The following ROBO2 variants were observed in gnomAD, a reference collection of about 807,000 sequenced individuals.
The protein encoded by ROBO2 is roundabout guidance receptor 2.
A neutral mutation model predicts 160.8 loss-of-function variants in ROBO2; 53 were observed. The ratio of observed to expected loss-of-function variants is 0.33; its 90% CI spans 0.26 to 0.41. The LOEUF (loss-of-function observed/expected upper bound fraction) is 0.41. ROBO2 is among the 10% of genes least tolerant of loss of function. The probability of loss-of-function intolerance (pLI) is 1.00; values close to 1 mark genes in which losing one functional copy is unlikely to be tolerated. For synonymous variants in ROBO2, 664 were observed against 611.7 expected (o/e 1.09, Z -1.26); for missense variants, 1,577 against 1,722.4 (o/e 0.92, Z 1.49).
intron 2 of ROBO2, among the ~76,000 whole-genome samples, chr3:76,743,269 C>A (rs1327892645): frequency 6.6e-6 from 1 of 151,978 alleles, no homozygotes; most frequent in Non-Finnish European, 1.5e-5. Flanking sequence ...CTAAGCCCAA[C>A]CCTGGAACAT....
At chr3:76,507,792 A>C (rs1289155368) in intron 2 of ROBO2, among the ~76,000 whole-genome samples, 1 of 152,084 alleles carries the variant, frequency 6.6e-6, no homozygotes, top group Admixed American at 6.6e-5. Context: ...ACACGATCCT[A>C]GTCTGGTTCT....
At chr3:77,346,499 C>T (rs539033023) in intron 2 of ROBO2, among the ~76,000 whole-genome samples, 2 of 152,144 alleles carry the variant, frequency 1.3e-5, no homozygotes, top group African/African-American at 2.4e-5. Flanking sequence ...CTTGCTGTCA[C>T]AAACTTAGTG....
intron 2 of ROBO2, among the ~76,000 whole-genome samples, chr3:77,447,927 T>TATA (rs2153559662): frequency 6.6e-6 from 1 of 152,264 alleles, no homozygotes; most frequent in Non-Finnish European, 1.5e-5. Flanking sequence ...AACTGTTGAA[T>TATA]ATAAACTCTT....
At chr3:76,608,825 A>T (rs1394005017) in intron 2 of ROBO2, among the ~76,000 whole-genome samples, 3 of 152,104 alleles carry the variant, frequency 2.0e-5, no homozygotes, top group Non-Finnish European at 2.9e-5. Context: ...TTAAATTTTC[A>T]TAGTATTTGG....
At chr3:76,295,594 T>A (rs1240142346) in intron 2 of ROBO2, among the ~76,000 whole-genome samples, 4 of 152,200 alleles carry the variant, frequency 2.6e-5, no homozygotes, top group African/African-American at 9.7e-5. Context: ...ATGAAGTTAC[T>A]GTACACACTA....
chr3:77,403,801 G>T lies in ROBO2; in HGVS notation c.389-73613G>T, dbSNP rs963740190. The stretch of plus-strand genomic sequence containing the variant: ...GTTGGATCATATGGAACATTTCTAT[G>T]TACCAAACATTTCAATGGAGTAATA... On this transcript the variant is annotated intron_variant, in intron 2 of 25. Transcript: ENST00000461745. Among the ~76,000 whole-genome samples the T allele has an allele frequency of 2.0e-5, 3 of 151,990 alleles. No individual in the cohort carries two copies. In the East Asian group the frequency reaches 5.8e-4, roughly 29 times the overall value.
rs574492593 is a variant in ROBO2, at chr3:76,981,814, C to T, written c.110-116200C>T. Among the ~76,000 whole-genome samples the T allele has an allele frequency of 3.9e-5, 6 of 152,164 alleles. No homozygotes were observed. In the East Asian group the frequency reaches 7.8e-4, roughly 20 times the overall value. ...CTGACAGGTGAACGGGGAACAGGGA[C>T]ATCACATGGCAAAAACAGGGGCAAG... On this transcript the variant is annotated intron_variant, in intron 2 of 26. Transcript: ENST00000487694.
intron 2 of ROBO2, among the ~76,000 whole-genome samples, chr3:76,772,812 A>G (rs2061996741): frequency 6.6e-6 from 1 of 151,110 alleles, no homozygotes; most frequent in South Asian, 2.1e-4. Context: ...GTGGGAATCT[A>G]TGTCCTTCAA....
At chr3:77,124,693 T>A (rs2075146982) in intron 2 of ROBO2, among the ~76,000 whole-genome samples, 1 of 152,134 alleles carries the variant, frequency 6.6e-6, no homozygotes, top group Admixed American at 6.6e-5. Context: ...TCAGAAATAG[T>A]AGTGCAGTTA....
intron 2 of ROBO2, among the ~76,000 whole-genome samples, chr3:76,014,773 T>C (rs140447093): frequency 5.7e-4 from 87 of 152,180 alleles, no homozygotes; most frequent in African/African-American, 2.0e-3. Flanking sequence ...CAAAATATTT[T>C]AAAAGTTGGC....
At chr3:77,546,606 G>C in intron 7 of ROBO2, 144 bp downstream of exon 8, 1 of 1,058,636 alleles carries the variant, frequency 9.4e-7, no homozygotes, top group Non-Finnish European at 1.4e-6. Context: ...GTAAAAATAA[G>C]TAGGAGTCAG....
At chr3:76,044,372 A>G (rs2067379090) in intron 2 of ROBO2, among the ~76,000 whole-genome samples, 1 of 152,046 alleles carries the variant, frequency 6.6e-6, no homozygotes, top group South Asian at 2.1e-4. Context: ...TAAAGAGTAT[A>G]TCAGAACTCT....
At chr3:76,897,660 G>T (rs1272081377) in intron 2 of ROBO2, among the ~76,000 whole-genome samples, 1 of 151,172 alleles carries the variant, frequency 6.6e-6, no homozygotes, top group African/African-American at 2.4e-5. Flanking sequence ...GTGAATGTAT[G>T]TTCTGTTTAC....
chr3:77,524,259 G>A (rs528260140), intron 6 of ROBO2, among the ~76,000 whole-genome samples: 3 of 145,840 alleles, frequency 2.1e-5, no homozygotes, highest in African/African-American at 7.6e-5. Context: ...AGGTCATAAA[G>A]GACTATGATC....
chr3:77,375,723 G>C (rs1560661504), intron 2 of ROBO2, among the ~76,000 whole-genome samples: 1 of 152,102 alleles, frequency 6.6e-6, no homozygotes, highest in Non-Finnish European at 1.5e-5. Context: ...TTCATTCTAG[G>C]ACAAACATTG....
At chr3:76,963,836 C>CAAAAAAAAAAAAAAAAAAA (rs11407644) in intron 2 of ROBO2, among the ~76,000 whole-genome samples, 1 of 106,230 alleles carries the variant, frequency 9.4e-6, no homozygotes, top group South Asian at 2.9e-4. Context: ...TGAGGAACTG[C>CAAAAAAAAAAAAAAAAAAA]AAAAAAAAAA....
intron 2 of ROBO2, among the ~76,000 whole-genome samples, chr3:77,135,567 A>ATT (rs561382499): frequency 1.4e-5 from 2 of 145,172 alleles, no homozygotes; most frequent in African/African-American, 5.0e-5. Flanking sequence ...TATCCGGCTA[A>ATT]TTTTTTTTTT....
intron 2 of ROBO2, among the ~76,000 whole-genome samples, chr3:77,224,542 C>T (rs145939275): frequency 5.9e-5 from 9 of 151,988 alleles, no homozygotes; most frequent in Non-Finnish European, 1.0e-4. Flanking sequence ...GCTATCACAA[C>T]GGGTATTAAT....
In ROBO2 at chr3:77,169,709, C is replaced by G. The variant is rs117964212; in HGVS notation, c.388+71369C>G. 7.0e-4 allele frequency among the ~76,000 whole-genome samples: 107 copies of G among 152,140 alleles called. 1 individual carries two copies. The East Asian group carries it at 0.018, about 26-fold the overall frequency. On this transcript the variant is annotated intron_variant, in intron 2 of 25. Transcript: ENST00000461745. ...TAGGTAAGGACTGCCTTGATGTTTGCAATTTTTCCCACTTTTTTCTTTTCC... is the reference window on the plus strand; with the variant it reads ...TAGGTAAGGACTGCCTTGATGTTTGGAATTTTTCCCACTTTTTTCTTTTCC...
Sources: gnomAD v4.1 joint callset for allele counts (sites outside exome capture counted in the v4.1 genomes callset) on GRCh38, gnomAD v4.1.1 for gene constraint, MANE v1.5 for transcripts, NCBI Gene and HGNC (gene_info 2026-07-23, HGNC 2026-07-21) for gene names.